The following GATB variants were observed in gnomAD, a reference collection of about 807,000 sequenced individuals.
The protein encoded by GATB is glutamyl-tRNA amidotransferase subunit B.
GATB carries 39 observed loss-of-function variants against 62.3 expected under a neutral mutation model. The ratio of observed to expected loss-of-function variants is 0.63; its 90% CI spans 0.48 to 0.82. GATB has a LOEUF of 0.82. GATB is among the 40% of genes least tolerant of loss of function. GATB has a pLI of 0.00. For missense variants in GATB, 670 were observed against 684.0 expected (o/e 0.98, Z 0.23); for synonymous variants, 276 against 258.9 (o/e 1.07, Z -0.63).
At chr4:151,698,775 G>A (rs796424126) in intron 9 of GATB, among the ~76,000 whole-genome samples, 27 of 151,722 alleles carry the variant, frequency 1.8e-4, no homozygotes, top group African/African-American at 6.5e-4. Flanking sequence ...CCCTTTAAAG[G>A]AAAAATACTA....
intron 2 of GATB, among the ~76,000 whole-genome samples, chr4:151,737,269 C>G (rs750457201): frequency 2.0e-5 from 3 of 152,100 alleles, no homozygotes; most frequent in Non-Finnish European, 4.4e-5. Flanking sequence ...TGTTGCAAAC[C>G]GAAGCAAAGA....
At position 151,716,779 on chromosome 4, in the gene GATB, C is replaced by T. The variant is rs1356525189; in HGVS notation, c.640+97G>A. On this transcript the variant is annotated intron_variant, in intron 4 of 12. Coordinates refer to ENST00000263985, the MANE Select transcript of GATB (RefSeq NM_004564.3). ...TCTATCAGGCTCCTGTGACTGCTTT[C>T]TCAATTTGTTCAAGAAAACTCTAGC... 11 of 1,149,812 alleles carry T rather than the reference C, an allele frequency of 9.6e-6. No individual in the cohort carries two copies. In the African/African-American group the frequency reaches 1.7e-4, roughly 18 times the overall value. 71.2% of individuals were successfully genotyped at this position (1,149,812 alleles called of 1,614,324 possible).
intron 2 of GATB, among the ~76,000 whole-genome samples, chr4:151,729,768 C>T (rs1475834426): frequency 6.6e-6 from 1 of 152,100 alleles, no homozygotes; most frequent in East Asian, 1.9e-4. Flanking sequence ...ATGGTACAAG[C>T]CTCCCACACA....
chr4:151,752,580 T>A (rs1459887320), intron 2 of GATB, among the ~76,000 whole-genome samples: 1 of 152,190 alleles, frequency 6.6e-6, no homozygotes, highest in Non-Finnish European at 1.5e-5. Flanking sequence ...ATAATTTTAA[T>A]TTCTAAGAGC....
At chr4:151,704,194 T>A (rs2126970292) in intron 7 of GATB, among the ~76,000 whole-genome samples, 1 of 152,208 alleles carries the variant, frequency 6.6e-6, no homozygotes, top group South Asian at 2.1e-4. Context: ...TGCTCAAAAT[T>A]CTGAGTGAGA....
chr4:151,741,887 T>C (rs1739495172), intron 2 of GATB, among the ~76,000 whole-genome samples: 1 of 152,162 alleles, frequency 6.6e-6, no homozygotes, highest in African/African-American at 2.4e-5. Context: ...GGGAAAATGA[T>C]CATCTTTAAA....
chr4:151,756,890 A>G (rs1268250239), intron 2 of GATB, among the ~76,000 whole-genome samples: 1 of 152,212 alleles, frequency 6.6e-6, no homozygotes, highest in African/African-American at 2.4e-5. Context: ...TCTAAAGTGA[A>G]CTGTAATAAG....
chr4:151,713,148 T>C (rs572034246), intron 5 of GATB, among the ~76,000 whole-genome samples: 3 of 152,008 alleles, frequency 2.0e-5, no homozygotes, highest in African/African-American at 7.2e-5. Context: ...TGTCACTGTC[T>C]CCCATCACCC....
At chr4:151,686,581 C>T (rs1040414171) in intron 10 of GATB, among the ~76,000 whole-genome samples, 1 of 151,462 alleles carries the variant, frequency 6.6e-6, no homozygotes, top group Non-Finnish European at 1.5e-5. Flanking sequence ...CCCAAAGTGA[C>T]ACCTACTGCC....
At chr4:151,742,341 G>A (rs1264661591) in intron 2 of GATB, among the ~76,000 whole-genome samples, 1 of 152,168 alleles carries the variant, frequency 6.6e-6, no homozygotes, top group Non-Finnish European at 1.5e-5. Flanking sequence ...GCCTGCCTTG[G>A]CCTCCCAAAG....
chr4:151,719,618 A>G, intron 2 of GATB, 80 bp from the exon 3 acceptor site: 1 of 938,700 alleles, frequency 1.1e-6, no homozygotes, highest in Non-Finnish European at 1.6e-6. Context: ...ATCCTCGCTG[A>G]ATATGCAACT....
At chr4:151,734,047 G>A (rs1246690136) in intron 2 of GATB, among the ~76,000 whole-genome samples, 1 of 152,124 alleles carries the variant, frequency 6.6e-6, no homozygotes, top group Non-Finnish European at 1.5e-5. Context: ...ACAAGACAAG[G>A]ATGCCACTCT....
chr4:151,746,654 C>T (rs144574091), intron 2 of GATB, among the ~76,000 whole-genome samples: 147 of 152,172 alleles, frequency 9.7e-4, no homozygotes, highest in South Asian at 2.3e-3. Context: ...TTTTCATCCT[C>T]AAGATTTATG....
chr4:151,754,926 T>C (rs1444508770), intron 2 of GATB, among the ~76,000 whole-genome samples: 3 of 152,234 alleles, frequency 2.0e-5, no homozygotes, highest in Non-Finnish European at 4.4e-5. Flanking sequence ...AATTGTTATG[T>C]GTAGCATTTA....
At chr4:151,671,847 G>A (rs1469816256) in intron 12 of GATB, among the ~76,000 whole-genome samples, 1 of 152,152 alleles carries the variant, frequency 6.6e-6, no homozygotes, top group African/African-American at 2.4e-5. Flanking sequence ...AAGCCAGGAG[G>A]TGCTGAATTC....
rs772077154 is a variant in GATB at position 151,688,617 on chromosome 4, A to C, written c.1331+13T>G. 1.3e-6 allele frequency: 2 copies of C among 1,595,486 alleles called. No homozygotes were observed. Among genetic ancestry groups the C allele is most frequent in the Non-Finnish European group, 1.7e-6 (2 of 1,175,128 alleles). On this transcript the variant is annotated intron_variant, in intron 10 of 12. Transcript: ENST00000263985. The stretch of plus-strand genomic sequence containing the variant: ...CATCACAAAGGAAGAAAGAAATCCC[A>C]GACCTCACTCACCTCTCACTGACAG...
intron 4 of GATB, chr4:151,716,342 G>T (rs964223171): frequency 1.1e-5 from 6 of 523,304 alleles, no homozygotes; most frequent in Non-Finnish European, 1.9e-5. Context: ...GAATGCAGTG[G>T]CATGATCATA....
chr4:151,686,031 T>C (rs1289546256), intron 10 of GATB, among the ~76,000 whole-genome samples: 12 of 151,370 alleles, frequency 7.9e-5, no homozygotes, highest in Non-Finnish European at 1.5e-5. Flanking sequence ...CTAGCCTGGG[T>C]GACAGGGCGA....
At chr4:151,738,103 T>A (rs578032745) in intron 2 of GATB, among the ~76,000 whole-genome samples, 1 of 152,224 alleles carries the variant, frequency 6.6e-6, no homozygotes, top group Admixed American at 6.5e-5. Context: ...CCACTGACAG[T>A]TTGCACTGTG....
Sources: allele counts gnomAD v4.1 joint callset (sites outside exome capture counted in the v4.1 genomes callset), GRCh38; gene constraint gnomAD v4.1.1; transcripts MANE v1.5; gene names NCBI Gene and HGNC (gene_info 2026-07-23, HGNC 2026-07-21).